The following CDH2 variants were observed in gnomAD, a reference collection of about 807,000 sequenced individuals.
The protein encoded by CDH2 is cadherin-2.
A neutral mutation model predicts 92.0 loss-of-function variants in CDH2; 17 were observed. The observed-to-expected ratio is 0.18, with a 90% confidence interval of 0.13 to 0.28. The LOEUF is 0.28. Ranked by LOEUF, CDH2 falls within the 10% of genes least tolerant of loss-of-function variation. The probability of loss-of-function intolerance (pLI) is 1.00; values close to 1 mark genes in which losing one functional copy is unlikely to be tolerated. For missense variants in CDH2, 862 were observed against 1,133.1 expected (o/e 0.76, Z 3.44); for synonymous variants, 419 against 415.9 (o/e 1.01, Z -0.09).
chr18:28,006,774 G>C (rs954724118), intron 5 of CDH2, among the ~76,000 whole-genome samples: 1 of 150,216 alleles, frequency 6.7e-6, no homozygotes, highest in African/African-American at 2.4e-5. Flanking sequence ...TAGAGATCAA[G>C]GCAACAGAAA....
rs1346616655 is a variant in CDH2, at chr18:27,963,125, T to A, written c.2514+232A>T. ...ACTAATTCTGATAATATATGATGTA[T>A]GTCATTTTACAAATGCAGAATCTTA... On this transcript the variant is annotated intron_variant, in intron 15 of 15. Coordinates refer to ENST00000269141, the MANE Select transcript of CDH2 (RefSeq NM_001792.5). Among the ~76,000 whole-genome samples the A allele has an allele frequency of 3.9e-5, 6 of 152,350 alleles. No individual in the cohort carries two copies. In the East Asian group the frequency reaches 1.2e-3, roughly 29 times the overall value.
At chr18:28,071,165 C>A (rs1185681025) in intron 2 of CDH2, among the ~76,000 whole-genome samples, 1 of 152,006 alleles carries the variant, frequency 6.6e-6, no homozygotes, top group Non-Finnish European at 1.5e-5. Context: ...AGACAGACAT[C>A]CAGAACTGAA....
At chr18:28,122,228 A>G (rs988361980) in intron 2 of CDH2, among the ~76,000 whole-genome samples, 2 of 152,074 alleles carry the variant, frequency 1.3e-5, no homozygotes, top group African/African-American at 4.8e-5. Flanking sequence ...TTCAACCTCC[A>G]CCACAGCAAA....
intron 2 of CDH2, among the ~76,000 whole-genome samples, chr18:28,015,664 A>G (rs1260557491): frequency 6.6e-6 from 1 of 152,154 alleles, no homozygotes; most frequent in East Asian, 1.9e-4. Context: ...ACTCTTCTGC[A>G]CACTTTTTTG....
chr18:28,099,382 T>C (rs2015190599), intron 2 of CDH2, among the ~76,000 whole-genome samples: 1 of 152,166 alleles, frequency 6.6e-6, no homozygotes, highest in Non-Finnish European at 1.5e-5. Context: ...GTGATAATAC[T>C]ACATGAAGAG....
chr18:28,082,829 G>C lies in CDH2; in HGVS notation c.172+64844C>G, dbSNP rs538859712. Reference sequence around the variant, plus strand: ...ATGCTGTCAATACCCACAGACAAGAGTTAATATCATCTCTTAAGAAAAGTA... The same window carrying C: ...ATGCTGTCAATACCCACAGACAAGACTTAATATCATCTCTTAAGAAAAGTA... On this transcript the variant is annotated intron_variant, in intron 2 of 15. Transcript: ENST00000269141. Among the ~76,000 whole-genome samples the C allele has an allele frequency of 6.6e-5, 10 of 152,294 alleles. No homozygotes were observed. The South Asian group carries it at 2.1e-3, about 32-fold the overall frequency.
chr18:28,013,955 AGGC>A (rs1599034011), intron 2 of CDH2, 46 bp from the exon 3 acceptor site: 15 of 1,431,340 alleles, frequency 1.0e-5, no homozygotes, highest in Admixed American at 7.4e-5. Flanking sequence ...TATACCAAAA[AGGC>A]AAAAAAAAAC....
In CDH2 at chr18:28,050,726, T is replaced by C. The variant is rs187105884; in HGVS notation, c.173-36817A>G. Among the ~76,000 whole-genome samples the C allele has an allele frequency of 2.6e-5, 4 of 152,286 alleles. No individual in the cohort carries two copies. In the East Asian group the frequency reaches 7.7e-4, roughly 29 times the overall value. On this transcript the variant is annotated intron_variant, in intron 2 of 15. Transcript: ENST00000269141. ...TGCAGGGACTCATCTAGCACTGAAA[T>C]AGCTCTCCCATTCCCACCCCCAGAT...
intron 1 of CDH2, chr18:28,168,504 C>CA (rs1304676086): frequency 3.6e-5 from 6 of 164,584 alleles, no homozygotes; most frequent in Non-Finnish European, 6.3e-5. Context: ...AAAAGAGTTT[C>CA]AAAAAAAATG....
chr18:28,152,640 C>T (rs1482097429), intron 1 of CDH2, among the ~76,000 whole-genome samples: 1 of 152,162 alleles, frequency 6.6e-6, no homozygotes, highest in East Asian at 1.9e-4. Context: ...AAAGTTGAGG[C>T]TGGAGAGTTA....
chr18:28,080,456 T>C (rs1343552651), intron 2 of CDH2, among the ~76,000 whole-genome samples: 2 of 152,142 alleles, frequency 1.3e-5, no homozygotes, highest in East Asian at 3.9e-4. Context: ...ATTTTGAGGT[T>C]GTGAGATGAC....
intron 1 of CDH2, among the ~76,000 whole-genome samples, chr18:28,149,728 T>A (rs916844166): frequency 1.3e-5 from 2 of 152,174 alleles, no homozygotes; most frequent in African/African-American, 4.8e-5. Context: ...AGGAAAGGCA[T>A]CAGGAAAGAT....
rs766360875 is a variant in CDH2 at position 28,011,960 on chromosome 18, T to G, written c.432A>C (p.Pro144=). ...ESAEVEEIVF[P]RQFSKHSGHL... The stretch of plus-strand genomic sequence containing the variant: ...GGCCACTGTGCTTACTGAATTGTCT[T>G]GGGAACACTATTTCTTCAACTTCTG... The change falls in exon 4 of 16, where the codon CCA becomes CCC. Residue 144 remains proline (P), a synonymous_variant. Transcript: ENST00000269141. 2 of 1,613,970 alleles carry G rather than the reference T, an allele frequency of 1.2e-6. No homozygotes were observed. The highest frequency in any genetic ancestry group is 1.7e-5 in the Admixed American group (1 of 60,008).
rs574518206 is a variant in CDH2, at chr18:27,939,103, C to T, written c.1152-5979G>A. On this transcript the variant is annotated intron_variant, in intron 6 of 6. Coordinates refer to the CDH2 transcript ENST00000675173. ...GGAATGCATTCTGCATTTCCCATGT[C>T]TTTTATTTCCTGGGCTCCTTCCTCT... is the stretch of plus-strand genomic sequence containing the variant. Among the ~76,000 whole-genome samples, 9 of 152,172 alleles carry T rather than the reference C, an allele frequency of 5.9e-5. No individual in the cohort carries two copies. In the South Asian group the frequency reaches 1.9e-3, roughly 32 times the overall value.
chr18:28,105,783 G>T (rs887305545), intron 2 of CDH2, among the ~76,000 whole-genome samples: 1 of 152,102 alleles, frequency 6.6e-6, no homozygotes, highest in East Asian at 1.9e-4. Context: ...TTCATTAATA[G>T]AATCTTAATA....
intron 1 of CDH2, among the ~76,000 whole-genome samples, chr18:28,155,100 T>C (rs530128062): frequency 2.6e-5 from 4 of 152,340 alleles, no homozygotes; most frequent in Admixed American, 2.6e-4. Flanking sequence ...TTTTGCATTA[T>C]GTTTGCTCCC....
At chr18:27,984,513 TCTCA>T (rs1482408274) in intron 13 of CDH2, among the ~76,000 whole-genome samples, 1 of 152,158 alleles carries the variant, frequency 6.6e-6, no homozygotes, top group Non-Finnish European at 1.5e-5. Context: ...AAGTACAATC[TCTCA>T]CTCTTCTACA....
At chr18:28,070,414 G>A (rs2014593386) in intron 2 of CDH2, among the ~76,000 whole-genome samples, 1 of 152,152 alleles carries the variant, frequency 6.6e-6, no homozygotes. Flanking sequence ...GCAGAGGTGG[G>A]ATTTGCACTG....
At chr18:28,015,939 C>T (rs920129400) in intron 2 of CDH2, among the ~76,000 whole-genome samples, 29 of 152,134 alleles carry the variant, frequency 1.9e-4, no homozygotes, top group African/African-American at 6.3e-4. Flanking sequence ...TACTGCCTGG[C>T]GAGAGAGGCT....
Sources: allele counts gnomAD v4.1 joint callset (sites outside exome capture counted in the v4.1 genomes callset), GRCh38; gene constraint gnomAD v4.1.1; transcripts MANE v1.5; gene names NCBI Gene and HGNC (gene_info 2026-07-23, HGNC 2026-07-21).